The following PRMT3 variants were observed in gnomAD, a reference collection of about 807,000 sequenced individuals.
PRMT3 encodes the protein protein arginine N-methyltransferase 3.
A neutral mutation model predicts 71.9 loss-of-function variants in PRMT3; 62 were observed. The observed-to-expected ratio is 0.86, with a 90% confidence interval of 0.70 to 1.07. PRMT3 has a LOEUF of 1.07. PRMT3 is among the 50% of genes least tolerant of loss of function. The pLI is 0.00. For missense variants in PRMT3, 663 were observed against 643.0 expected (o/e 1.03, Z -0.34); for synonymous variants, 213 against 220.4 (o/e 0.97, Z 0.30).
intron 8 of PRMT3, among the ~76,000 whole-genome samples, chr11:20,404,639 G>T (rs1011129018): frequency 1.3e-5 from 2 of 152,002 alleles, no homozygotes; most frequent in Non-Finnish European, 2.9e-5. Context: ...TAATGATGTT[G>T]CTTTATATTT....
At chr11:20,474,540 C>G (rs530547958) in intron 13 of PRMT3, among the ~76,000 whole-genome samples, 1 of 152,236 alleles carries the variant, frequency 6.6e-6, no homozygotes. Flanking sequence ...TGCCAGGACT[C>G]TATACAGGTG....
At chr11:20,400,047 G>T (rs1318605780) in intron 7 of PRMT3, among the ~76,000 whole-genome samples, 2 of 152,176 alleles carry the variant, frequency 1.3e-5, no homozygotes, top group Admixed American at 1.3e-4. Context: ...CAAGTTACGT[G>T]CCTTGGATGA....
In PRMT3 at chr11:20,402,114, TTTTTG is replaced by T. The variant is rs1168351144; in HGVS notation, c.706-800_706-796del. ...TACTTTTATCTCCTTTCTATTTTTGTTTTTGTTTTTTTTTGTTTTTTGAGACGGAA... is the reference window on the plus strand; with the variant it reads ...TACTTTTATCTCCTTTCTATTTTTGTTTTTTTTTTGTTTTTTGAGACGGAA... On this transcript the variant is annotated intron_variant, in intron 7 of 15. Transcript: ENST00000331079. 9.0e-5 allele frequency among the ~76,000 whole-genome samples: 13 copies of T among 144,486 alleles called. No individual in the cohort carries two copies. In the Admixed American group the frequency reaches 9.2e-4, roughly 10 times the overall value. 94.8% of individuals were successfully genotyped at this position (144,486 alleles called of 152,430 possible).
intron 13 of PRMT3, among the ~76,000 whole-genome samples, chr11:20,466,761 AAAGAGT>A (rs1232531270): frequency 2.6e-5 from 4 of 152,198 alleles, no homozygotes; most frequent in Non-Finnish European, 5.9e-5. Flanking sequence ...TGTATACTTA[AAAGAGT>A]AAAACAAAAC....
chr11:20,461,548 ATAAC>A (rs1446679854), intron 11 of PRMT3, among the ~76,000 whole-genome samples: 1 of 152,184 alleles, frequency 6.6e-6, no homozygotes, highest in African/African-American at 2.4e-5. Flanking sequence ...GGTCTTCTGT[ATAAC>A]TATAAAACCC....
intron 13 of PRMT3, among the ~76,000 whole-genome samples, chr11:20,482,615 T>C (rs988062712): frequency 6.6e-6 from 1 of 152,218 alleles, no homozygotes; most frequent in African/African-American, 2.4e-5. Flanking sequence ...GGTATTTTCC[T>C]TTTTGATTCA....
At chr11:20,433,517 T>G (rs1408989602) in intron 10 of PRMT3, among the ~76,000 whole-genome samples, 1 of 152,228 alleles carries the variant, frequency 6.6e-6, no homozygotes, top group Non-Finnish European at 1.5e-5. Flanking sequence ...AATGCTGCAA[T>G]GAACATTCAT....
intron 15 of PRMT3, among the ~76,000 whole-genome samples, chr11:20,500,086 GCA>G (rs1487788654): frequency 6.6e-6 from 1 of 152,204 alleles, no homozygotes; most frequent in Non-Finnish European, 1.5e-5. Context: ...GCAGGGATCA[GCA>G]CAGACAGCGA....
chr11:20,507,638 T>G lies in PRMT3; in HGVS notation c.1487-666T>G, dbSNP rs183838190. Among the ~76,000 whole-genome samples, 1,074 of 149,742 alleles carry G rather than the reference T, an allele frequency of 7.2e-3. 16 individuals carry two copies. Among genetic ancestry groups the G allele is most frequent in the African/African-American group, 0.025 (1,019 of 40,648 alleles). On this transcript the variant is annotated intron_variant, in intron 15 of 15. Coordinates refer to ENST00000331079, the MANE Select transcript of PRMT3 (RefSeq NM_005788.4). ...CTACTAAAAATACAAAATTAGCAGG[T>G]CATGGTGGCGCATGCCTGTAATCCC...
chr11:20,400,266 G>C (rs1848919279), intron 7 of PRMT3, among the ~76,000 whole-genome samples: 1 of 152,042 alleles, frequency 6.6e-6, no homozygotes, highest in Admixed American at 6.5e-5. Context: ...TTTGTTGCTT[G>C]GCTTCATGTC....
At chr11:20,438,545 G>A (rs1849813868) in intron 10 of PRMT3, among the ~76,000 whole-genome samples, 1 of 152,120 alleles carries the variant, frequency 6.6e-6, no homozygotes, top group African/African-American at 2.4e-5. Flanking sequence ...TGTGTAGGGT[G>A]GGGTGTCTCA....
chr11:20,397,734 C>T lies in PRMT3; in HGVS notation c.705+13C>T, dbSNP rs1347310775. ...AGAAATGCTAAAGGTTAGAAAAGAA[C>T]ACAAATGCGTCAAATCCATACTAAA... On this transcript the variant is annotated intron_variant, in intron 7 of 15. Coordinates refer to ENST00000331079, the MANE Select transcript of PRMT3 (RefSeq NM_005788.4). 3.1e-6 allele frequency: 5 copies of T among 1,612,790 alleles called. No individual in the cohort carries two copies. The South Asian group carries it at 3.3e-5, about 11-fold the overall frequency.
intron 13 of PRMT3, among the ~76,000 whole-genome samples, chr11:20,476,115 C>T (rs1024401670): frequency 3.3e-5 from 5 of 151,666 alleles, no homozygotes; most frequent in South Asian, 2.1e-4. Context: ...TTTGGGAGGC[C>T]GAGGCGAGTG....
chr11:20,435,138 T>G (rs1312467314), intron 10 of PRMT3, among the ~76,000 whole-genome samples: 1 of 152,208 alleles, frequency 6.6e-6, no homozygotes, highest in Non-Finnish European at 1.5e-5. Context: ...TCCTGAAGCG[T>G]TTCCCCTATG....
intron 10 of PRMT3, among the ~76,000 whole-genome samples, chr11:20,427,354 G>A (rs1192575927): frequency 1.3e-5 from 2 of 152,098 alleles, no homozygotes; most frequent in African/African-American, 4.8e-5. Flanking sequence ...TAAAAGGAAG[G>A]TATGTTACAT....
intron 13 of PRMT3, among the ~76,000 whole-genome samples, chr11:20,491,544 T>G (rs1851206612): frequency 6.6e-6 from 1 of 152,236 alleles, no homozygotes. Context: ...TGACCAAGTC[T>G]CAGTCACATT....
intron 11 of PRMT3, among the ~76,000 whole-genome samples, chr11:20,459,809 C>G (rs1565221658): frequency 2.0e-5 from 3 of 152,170 alleles, no homozygotes; most frequent in Non-Finnish European, 4.4e-5. Context: ...AATACACTTC[C>G]TTATAGCTGA....
rs138917415 is a variant in PRMT3 at position 20,397,645 on chromosome 11, C to A, written c.629C>A (p.Ala210Glu). 3.3e-5 allele frequency: 53 copies of A among 1,614,014 alleles called. No individual in the cohort carries two copies. The highest frequency in any genetic ancestry group is 2.9e-4 in the East Asian group (13 of 44,868). Reference protein sequence around the residue: ...RTCSSSTSVIADLQEDEDGVY... With the variant: ...RTCSSSTSVIEDLQEDEDGVY... ...TGCTCGTCATCTACTAGTGTCATTG[C>A]GGACCTCCAGGAGGATGAGGATGGT... Residue 210 changes from alanine (A) to glutamate (E), a missense_variant, in exon 7 of 16, where the codon GCG (alanine) becomes GAG (glutamate). Ala to Glu is a moderately radical substitution (Grantham distance 107, BLOSUM62 -1). Transcript: ENST00000331079.
chr11:20,439,260 A>G (rs1263975488), intron 10 of PRMT3, among the ~76,000 whole-genome samples: 10 of 152,242 alleles, frequency 6.6e-5, no homozygotes, highest in East Asian at 1.9e-4. Flanking sequence ...TAGATGTCCA[A>G]TGTGTTGATG....
Sources: gnomAD v4.1 joint callset for allele counts (sites outside exome capture counted in the v4.1 genomes callset) on GRCh38, gnomAD v4.1.1 for gene constraint, MANE v1.5 for transcripts, NCBI Gene and HGNC (gene_info 2026-07-23, HGNC 2026-07-21) for gene names.